The following PLEKHM3 variants were observed in gnomAD, a reference collection of about 807,000 sequenced individuals.
The protein encoded by PLEKHM3 is pleckstrin homology domain containing M3.
PLEKHM3 carries 45 observed loss-of-function variants against 81.8 expected under a neutral mutation model. The observed-to-expected ratio is 0.55, with a 90% CI of 0.43 to 0.71. PLEKHM3 has a LOEUF of 0.71. PLEKHM3 is among the 30% of genes least tolerant of loss of function. The pLI, the probability that PLEKHM3 is intolerant of heterozygous loss-of-function variation, is 0.00. For synonymous variants in PLEKHM3, 352 were observed against 356.4 expected (o/e 0.99, Z 0.14); for missense variants, 788 against 924.3 (o/e 0.85, Z 1.91).
chr2:207,925,008 C>A (rs1400275837), intron 5 of PLEKHM3, among the ~76,000 whole-genome samples: 1 of 152,086 alleles, frequency 6.6e-6, no homozygotes, highest in Non-Finnish European at 1.5e-5. Context: ...GTCAAGGTGT[C>A]AGAGGAGAGT....
At chr2:207,876,951 A>C (rs1211630846) in intron 6 of PLEKHM3, among the ~76,000 whole-genome samples, 1 of 152,152 alleles carries the variant, frequency 6.6e-6, no homozygotes, top group African/African-American at 2.4e-5. Context: ...ATCTATTCAG[A>C]GGTCACAATA....
At chr2:207,867,696 C>T (rs1004437220) in intron 6 of PLEKHM3, among the ~76,000 whole-genome samples, 8 of 152,008 alleles carry the variant, frequency 5.3e-5, no homozygotes, top group African/African-American at 1.9e-4. Context: ...TGCATACATA[C>T]ACACATAGAC....
At chr2:207,988,575 T>C (rs10497890) in intron 2 of PLEKHM3, among the ~76,000 whole-genome samples, 36,996 of 152,146 alleles carry the variant, frequency 0.24, 5,626 homozygotes, top group Admixed American at 0.37. Flanking sequence ...TGTTAACAAA[T>C]TCCTTCCTAC....
At chr2:207,830,320 T>C (rs2092278232) in intron 7 of PLEKHM3, among the ~76,000 whole-genome samples, 1 of 151,942 alleles carries the variant, frequency 6.6e-6, no homozygotes, top group Non-Finnish European at 1.5e-5. Flanking sequence ...GTAATCAAGA[T>C]TAAATGAGGT....
Position 207,976,718 on chromosome 2 carries a change from G to A in PLEKHM3, c.1479C>T (p.Ser493=). The part of the protein sequence containing the change: ...RKNKRQSVTT[S]FLSILTTLSL... ...ACAAAGTCGTCAAAATGCTCAGGAAGCTGGTAGTCACAGATTGGCGTTTGT... is the reference window on the plus strand; with the variant it reads ...ACAAAGTCGTCAAAATGCTCAGGAAACTGGTAGTCACAGATTGGCGTTTGT... The change falls in exon 3 of 8, where the codon AGC becomes AGT. Residue 493 remains serine, a synonymous_variant. Transcript: ENST00000427836. This position sits in a 1 kb window ranked among gnomAD's most constrained non-coding sequence, Gnocchi z 4.1. The A allele has an allele frequency of 1.2e-6, 2 of 1,614,240 alleles. No individual in the cohort carries two copies. The highest frequency in any genetic ancestry group is 1.7e-5 in the Admixed American group (1 of 60,026).
At chr2:207,947,671 C>T (rs1336017228) in intron 3 of PLEKHM3, among the ~76,000 whole-genome samples, 1 of 152,192 alleles carries the variant, frequency 6.6e-6, no homozygotes, top group Non-Finnish European at 1.5e-5. Flanking sequence ...AAGCCTATTT[C>T]ATGAAGTGGG....
At chr2:207,860,151 C>CTG (rs55739776) in intron 7 of PLEKHM3, among the ~76,000 whole-genome samples, 8,399 of 110,614 alleles carry the variant, frequency 0.076, 355 homozygotes, top group East Asian at 0.088. Context: ...AACTCTGCCT[C>CTG]TGTGTGTGTG....
At chr2:208,021,756 C>T (rs1261500631) in intron 1 of PLEKHM3, among the ~76,000 whole-genome samples, 1 of 152,194 alleles carries the variant, frequency 6.6e-6, no homozygotes, top group Non-Finnish European at 1.5e-5. Flanking sequence ...CGTTGTGGCC[C>T]TTTCAGCCCT....
At chr2:207,963,669 T>C (rs916536007) in intron 3 of PLEKHM3, among the ~76,000 whole-genome samples, 1 of 152,178 alleles carries the variant, frequency 6.6e-6, no homozygotes, top group South Asian at 2.1e-4. Flanking sequence ...TAGGATGTAT[T>C]AAAAAGGAAG....
At chr2:207,893,972 C>G (rs1688143645) in intron 6 of PLEKHM3, among the ~76,000 whole-genome samples, 1 of 152,048 alleles carries the variant, frequency 6.6e-6, no homozygotes, top group South Asian at 2.1e-4. Flanking sequence ...AAAAAATTAG[C>G]TGGGTGTGGT....
intron 1 of PLEKHM3, among the ~76,000 whole-genome samples, chr2:208,020,332 G>A (rs182081763): frequency 3.9e-4 from 59 of 152,276 alleles, no homozygotes; most frequent in East Asian, 1.2e-3. Context: ...ATGAGTGTAC[G>A]AAAACAAACA....
intron 1 of PLEKHM3, among the ~76,000 whole-genome samples, chr2:208,012,649 A>T (rs1034088064): frequency 2.0e-5 from 3 of 152,182 alleles, no homozygotes; most frequent in Non-Finnish European, 2.9e-5. Flanking sequence ...AATTTATGAC[A>T]CCAGGAAAGG....
At chr2:207,918,382 C>T (rs1430512789) in intron 5 of PLEKHM3, among the ~76,000 whole-genome samples, 3 of 152,118 alleles carry the variant, frequency 2.0e-5, no homozygotes, top group Non-Finnish European at 2.9e-5. Context: ...ATTAGCTGGA[C>T]GTGGTGGTGG....
intron 4 of PLEKHM3, among the ~76,000 whole-genome samples, chr2:207,932,675 A>C (rs1689632986): frequency 2.0e-5 from 3 of 152,156 alleles, no homozygotes; most frequent in Admixed American, 2.0e-4. Flanking sequence ...GCTACAAAAG[A>C]GGTATGGATG....
intron 6 of PLEKHM3, among the ~76,000 whole-genome samples, chr2:207,863,388 T>G (rs1220604156): frequency 2.0e-5 from 3 of 152,164 alleles, no homozygotes; most frequent in Admixed American, 1.3e-4. Context: ...TCCACCAGAC[T>G]CCAAGCCCAC....
intron 7 of PLEKHM3, among the ~76,000 whole-genome samples, chr2:207,859,055 C>A (rs10185848): frequency 6.6e-6 from 1 of 151,280 alleles, no homozygotes; most frequent in Non-Finnish European, 1.5e-5. Flanking sequence ...GTAATATGTG[C>A]TTTGTGTCTG....
chr2:207,920,840 A>G (rs927996698), intron 5 of PLEKHM3, among the ~76,000 whole-genome samples: 1 of 152,026 alleles, frequency 6.6e-6, no homozygotes, highest in African/African-American at 2.4e-5. Flanking sequence ...ACCTGGAGTA[A>G]ATGCATTTGC....
At chr2:207,987,738 C>G (rs531169334) in intron 2 of PLEKHM3, among the ~76,000 whole-genome samples, 3 of 152,262 alleles carry the variant, frequency 2.0e-5, no homozygotes, top group African/African-American at 7.2e-5. Context: ...CAACCTGGTC[C>G]TCCTTCATTC....
In PLEKHM3 at chr2:207,908,590, G is replaced by T; in HGVS notation, c.1887-13C>A. 1 of 1,601,796 alleles carries T rather than the reference G, an allele frequency of 6.2e-7. No homozygotes were observed. The highest frequency in any genetic ancestry group is 8.5e-7 in the Non-Finnish European group (1 of 1,171,150). On this transcript the variant is annotated splice_polypyrimidine_tract_variant and intron_variant, in intron 5 of 7. Transcript: ENST00000427836. ...TCTGGGGAAAATTCTGAAAACAAGG[G>T]CAGATAGACAAGTGAACTGTGGTGC...
Sources: allele counts gnomAD v4.1 joint callset (sites outside exome capture counted in the v4.1 genomes callset), GRCh38; gene constraint gnomAD v4.1.1; non-coding constraint Gnocchi (gnomAD v3.1); transcripts MANE v1.5; gene names NCBI Gene and HGNC (gene_info 2026-07-23, HGNC 2026-07-21).